Variants in RPRD2 observed in about 807,000 individuals in gnomAD.
RPRD2 encodes the protein regulation of nuclear pre-mRNA domain-containing protein 2.
A neutral mutation model predicts 104.4 loss-of-function variants in RPRD2; 12 were observed. The observed-to-expected ratio is 0.11, with a 90% CI of 0.07 to 0.19. The LOEUF is 0.19. RPRD2 is among the 10% of genes least tolerant of loss of function. RPRD2 has a pLI of 1.00. For synonymous variants in RPRD2, 714 were observed against 684.9 expected, an observed-to-expected ratio of 1.04 and a Z score of -0.66; for missense variants, 1,543 against 1,790.1, an observed-to-expected ratio of 0.86 and a Z score of 2.49.
intron 2 of RPRD2, among the ~76,000 whole-genome samples, chr1:150,437,974 AT>A (rs1428791868): frequency 6.3e-5 from 7 of 111,768 alleles, no homozygotes; most frequent in African/African-American, 1.8e-4. Flanking sequence ...TTCTGTCATT[AT>A]TTAAAAAAAA....
chr1:150,377,236 A>C (rs1660769501), intron 1 of RPRD2, among the ~76,000 whole-genome samples: 2 of 151,880 alleles, frequency 1.3e-5, no homozygotes, highest in African/African-American at 4.8e-5. Context: ...AAGAAAGGAA[A>C]TATTGAGTAC....
At chr1:150,433,161 T>C (rs1665725565) in intron 2 of RPRD2, among the ~76,000 whole-genome samples, 1 of 152,000 alleles carries the variant, frequency 6.6e-6, no homozygotes, top group Non-Finnish European at 1.5e-5. Flanking sequence ...TTTTTTAAAT[T>C]TTTAAAAAGG....
intron 1 of RPRD2, among the ~76,000 whole-genome samples, chr1:150,366,579 TA>T (rs1659860409): frequency 6.6e-6 from 1 of 152,232 alleles, no homozygotes; most frequent in South Asian, 2.1e-4. Context: ...CATTGTACCT[TA>T]AAATCGTCTG....
chr1:150,447,453 GCCTC>G (rs1169106685), intron 7 of RPRD2, among the ~76,000 whole-genome samples: 2 of 150,304 alleles, frequency 1.3e-5, no homozygotes, highest in African/African-American at 4.9e-5. Flanking sequence ...TCCTGCCTCA[GCCTC>G]CTGAGTAGCT....
At chr1:150,460,866 C>T (rs1448821799) in intron 9 of RPRD2, among the ~76,000 whole-genome samples, 2 of 150,750 alleles carry the variant, frequency 1.3e-5, no homozygotes, top group African/African-American at 2.4e-5. Context: ...GCTGGGACTA[C>T]AGGCATGTGC....
intron 1 of RPRD2, among the ~76,000 whole-genome samples, chr1:150,376,682 A>C (rs1355175336): frequency 2.6e-5 from 4 of 151,322 alleles, no homozygotes; most frequent in Non-Finnish European, 2.9e-5. Context: ...TTGTATTTTT[A>C]GTAGAGAAGG....
intron 1 of RPRD2, among the ~76,000 whole-genome samples, chr1:150,375,934 G>A (rs782669909): frequency 5.3e-5 from 8 of 152,264 alleles, no homozygotes; most frequent in South Asian, 2.1e-4. Context: ...GTTGTGTTTC[G>A]TAGTGATTTC....
intron 1 of RPRD2, among the ~76,000 whole-genome samples, chr1:150,416,909 A>G (rs925499315): frequency 6.6e-6 from 1 of 151,750 alleles, no homozygotes; most frequent in Non-Finnish European, 1.5e-5. Flanking sequence ...AAGAAGAAGA[A>G]AAGCTTAACC....
At chr1:150,430,343 C>T (rs966822808) in intron 2 of RPRD2, among the ~76,000 whole-genome samples, 1 of 152,096 alleles carries the variant, frequency 6.6e-6, no homozygotes, top group Non-Finnish European at 1.5e-5. Flanking sequence ...CTGAAGACAT[C>T]AGAATGCAAC....
At chr1:150,380,934 C>CTT (rs1553880680) in intron 1 of RPRD2, among the ~76,000 whole-genome samples, 4 of 152,170 alleles carry the variant, frequency 2.6e-5, no homozygotes, top group Non-Finnish European at 5.9e-5. Context: ...GGATTACAGG[C>CTT]GTGAAGCACG....
chr1:150,392,957 A>G (rs1250425796), intron 1 of RPRD2, among the ~76,000 whole-genome samples: 1 of 152,214 alleles, frequency 6.6e-6, no homozygotes, highest in Non-Finnish European at 1.5e-5. Context: ...AAAATGATAG[A>G]AACAAATTCA....
At chr1:150,427,914 G>A (rs1461855641) in intron 2 of RPRD2, among the ~76,000 whole-genome samples, 1 of 152,054 alleles carries the variant, frequency 6.6e-6, no homozygotes, top group Non-Finnish European at 1.5e-5. Flanking sequence ...AATTACTTTG[G>A]TGTGTAAAAC....
At chr1:150,426,329 G>T (rs1665122882) in intron 2 of RPRD2, among the ~76,000 whole-genome samples, 1 of 152,118 alleles carries the variant, frequency 6.6e-6, no homozygotes, top group African/African-American at 2.4e-5. Flanking sequence ...GCAAGGTTTG[G>T]AGTCAAACTT....
rs142082207 is a variant in RPRD2, at chr1:150,444,512, G to A, written c.694+135G>A. 6 of 740,634 alleles carry A rather than the reference G, an allele frequency of 8.1e-6. No homozygotes were observed. In the African/African-American group the frequency reaches 1.1e-4, roughly 13 times the overall value. The allele number at this position is 740,634 out of a possible 1,614,324, so 45.9% of individuals were successfully genotyped here. On this transcript the variant is annotated intron_variant, in intron 6 of 10. Coordinates refer to ENST00000369068, the MANE Select transcript of RPRD2 (RefSeq NM_015203.5). ...TGTGGCACCTCTGGTTTCCCAGGTA[G>A]TTATTTCATGCATATAAATTTCATA...
chr1:150,425,422 T>A (rs1665056287), intron 2 of RPRD2, among the ~76,000 whole-genome samples: 1 of 152,126 alleles, frequency 6.6e-6, no homozygotes, highest in South Asian at 2.1e-4. Context: ...GGCAGGTGGA[T>A]CACCTGAGGT....
At chr1:150,451,591 C>T (rs2102388406) in intron 7 of RPRD2, among the ~76,000 whole-genome samples, 1 of 149,214 alleles carries the variant, frequency 6.7e-6, no homozygotes, top group African/African-American at 2.5e-5. Context: ...AGGAGAATGG[C>T]GTGAACCTGG....
At chr1:150,368,590 A>G (rs1270258944) in intron 1 of RPRD2, among the ~76,000 whole-genome samples, 10 of 151,810 alleles carry the variant, frequency 6.6e-5, no homozygotes, top group Admixed American at 1.3e-4. Context: ...CAGCCTCCCA[A>G]GTAGCTGGAA....
At chr1:150,449,869 C>T (rs1185951651) in intron 7 of RPRD2, among the ~76,000 whole-genome samples, 1 of 152,162 alleles carries the variant, frequency 6.6e-6, no homozygotes, top group East Asian at 1.9e-4. Flanking sequence ...CCCTCCTCTC[C>T]TCTTGGAACT....
At chr1:150,411,801 A>C (rs1354913451) in intron 1 of RPRD2, among the ~76,000 whole-genome samples, 3 of 74,576 alleles carry the variant, frequency 4.0e-5, no homozygotes, top group African/African-American at 6.1e-5. Flanking sequence ...AAAAAAAAAA[A>C]AAAAAAAAAA....
Sources: allele counts gnomAD v4.1 joint callset (sites outside exome capture counted in the v4.1 genomes callset), GRCh38; gene constraint gnomAD v4.1.1; transcripts MANE v1.5; gene names NCBI Gene and HGNC (gene_info 2026-07-23, HGNC 2026-07-21).